YME1L1: variants seen among roughly 807,000 people sequenced by gnomAD.
The protein encoded by YME1L1 is ATP-dependent zinc metalloprotease YME1L1.
YME1L1 carries 39 observed loss-of-function variants against 90.4 expected under a neutral mutation model. The observed-to-expected ratio is 0.43, with a 90% CI of 0.33 to 0.56. The LOEUF is 0.56. Among genes scored for constraint, YME1L1 ranks in the 20% least tolerant of loss-of-function variants. YME1L1 has a pLI of 0.03. For synonymous variants in YME1L1, 284 were observed against 287.3 expected (o/e 0.99, Z 0.12); for missense variants, 617 against 868.4 (o/e 0.71, Z 3.64).
intron 4 of YME1L1, among the ~76,000 whole-genome samples, chr10:27,142,035 C>T (rs2057093163): frequency 6.7e-6 from 1 of 149,966 alleles, no homozygotes; most frequent in Non-Finnish European, 1.5e-5. Flanking sequence ...GTTAACGGAA[C>T]GCTTCTGTTG....
Position 27,154,303 on chromosome 10 carries a change from C to T in YME1L1, c.-93G>A. ...GGAGGCGCTGAGCCCTTCTTTTTTC[C>T]TTTTTCTCCGACCCGTTGCCCCTCA... On this transcript the variant is annotated 5_prime_UTR_variant, in exon 1 of 19. Coordinates refer to ENST00000376016, the MANE Select transcript of YME1L1 (RefSeq NM_014263.4). The T allele has an allele frequency of 6.8e-7, 1 of 1,471,922 alleles. No homozygotes were observed. The highest frequency in any genetic ancestry group is 9.2e-7 in the Non-Finnish European group (1 of 1,089,698). The allele number at this position is 1,471,922 out of a possible 1,614,324, so 91.2% of individuals were successfully genotyped here.
chr10:27,144,062 A>G (rs2057117900), intron 3 of YME1L1, among the ~76,000 whole-genome samples: 1 of 152,170 alleles, frequency 6.6e-6, no homozygotes, highest in Non-Finnish European at 1.5e-5. Context: ...ACTTTTTTCA[A>G]GGTCCCTTAG....
chr10:27,151,896 T>C (rs1028616325), intron 1 of YME1L1, among the ~76,000 whole-genome samples: 1 of 148,238 alleles, frequency 6.7e-6, no homozygotes, highest in Non-Finnish European at 1.5e-5. Flanking sequence ...AAAAAAAAAA[T>C]TAAAATAAAA....
intron 9 of YME1L1, among the ~76,000 whole-genome samples, chr10:27,124,871 T>G (rs2056901342): frequency 6.6e-6 from 1 of 152,206 alleles, no homozygotes; most frequent in Non-Finnish European, 1.5e-5. Flanking sequence ...CTTTTTTAAT[T>G]CCTTTTTGCG....
chr10:27,123,091 A>G, intron 10 of YME1L1, 118 bp from the exon 11 acceptor site: 1 of 1,271,380 alleles, frequency 7.9e-7, no homozygotes, highest in Non-Finnish European at 1.1e-6. Flanking sequence ...ATTCACTGAA[A>G]GAAAAGGACG....
At chr10:27,129,662 G>A (rs2056957417) in intron 8 of YME1L1, among the ~76,000 whole-genome samples, 1 of 151,888 alleles carries the variant, frequency 6.6e-6, no homozygotes, top group Non-Finnish European at 1.5e-5. Flanking sequence ...GCAAAGCACA[G>A]AGAAGAGCAC....
chr10:27,149,630 G>C (rs1467600111), intron 1 of YME1L1, among the ~76,000 whole-genome samples: 1 of 142,188 alleles, frequency 7.0e-6, no homozygotes, highest in African/African-American at 2.6e-5. Context: ...AGAATTGCTT[G>C]ATCTCAGGAG....
rs1418559256 is a variant in YME1L1 at position 27,121,447 on chromosome 10, A to G, written c.1237T>C (p.Phe413Leu). 1.3e-6 allele frequency: 2 copies of G among 1,592,394 alleles called. No homozygotes were observed. The highest frequency in any genetic ancestry group is 1.7e-6 in the Non-Finnish European group (2 of 1,160,770). ...INQLLAEMDGFKPNEGVIIIG... is the reference protein window; with the variant it reads ...INQLLAEMDGLKPNEGVIIIG... The stretch of plus-strand genomic sequence containing the variant: ...ATGATAACTCCTTCATTGGGTTTAA[A>G]ACTATATTGGAAAAAAAATAGTATC... Residue 413 changes from phenylalanine (F) to leucine (L), a missense_variant and splice_region_variant, in exon 12 of 19, where the codon TTT becomes CTT. Physicochemically the swap from Phe to Leu is conservative, Grantham distance 22. Transcript: ENST00000376016.
intron 17 of YME1L1, among the ~76,000 whole-genome samples, chr10:27,115,556 A>C (rs551559763): frequency 6.6e-6 from 1 of 151,948 alleles, no homozygotes; most frequent in Non-Finnish European, 1.5e-5. Context: ...CTCAAGCAAT[A>C]CAGTCTCCTC....
In YME1L1 at chr10:27,110,707, GCA is replaced by G. The variant is rs1431217408; in HGVS notation, c.*1268_*1269del. On this transcript the variant is annotated 3_prime_UTR_variant, in exon 19 of 19. Coordinates refer to ENST00000376016, the MANE Select transcript of YME1L1 (RefSeq NM_014263.4). Reference sequence around the variant, plus strand: ...TGTTTAATTTTGCTTTTGAAACCAAGCACAGTTATAGTCAAAATGAGGGACAT... The same window carrying G: ...TGTTTAATTTTGCTTTTGAAACCAAGCAGTTATAGTCAAAATGAGGGACAT... 2 of 152,008 alleles carry G rather than the reference GCA, an allele frequency of 1.3e-5. No individual in the cohort carries two copies. The highest frequency in any genetic ancestry group is 2.4e-5 in the African/African-American group (1 of 41,394). The allele number at this position is 152,008 out of a possible 1,614,324, so 9.4% of individuals were successfully genotyped here.
intron 11 of YME1L1, 27 bp downstream of exon 11, chr10:27,122,814 T>C (rs767643857): frequency 3.1e-6 from 5 of 1,611,556 alleles, no homozygotes; most frequent in African/African-American, 2.7e-5. Flanking sequence ...CATCACCATA[T>C]TCTAAGAAAA....
chr10:27,116,299 T>C lies in YME1L1; in HGVS notation c.1766A>G (p.Gln589Arg). Reference protein sequence around the residue: ...ENDRWNETRAQLLAQMDVSMG... With the variant: ...ENDRWNETRARLLAQMDVSMG... Reference sequence around the variant, plus strand: ...ACTAACATCCATTTGTGCAAGCAGCTGGGCTCTAGTTTCATTCCATCTGTC... The same window carrying C: ...ACTAACATCCATTTGTGCAAGCAGCCGGGCTCTAGTTTCATTCCATCTGTC... Residue 589 changes from glutamine (Q) to arginine (R), a missense_variant, in exon 16 of 19, where the codon CAG becomes CGG. Gln to Arg is a conservative substitution (Grantham distance 43). This residue lies in a region of YME1L1 where 212 missense variants were observed against 330.0 expected (regional missense o/e 0.64). Coordinates refer to ENST00000376016, the MANE Select transcript of YME1L1 (RefSeq NM_014263.4). The C allele has an allele frequency of 1.2e-6, 2 of 1,614,200 alleles. No homozygotes were observed. Among genetic ancestry groups the C allele is most frequent in the Non-Finnish European group, 1.7e-6 (2 of 1,180,032 alleles).
In YME1L1 at chr10:27,145,430, T is replaced by C. The variant is rs761036523; in HGVS notation, c.329A>G (p.Tyr110Cys). Residue 110 changes from tyrosine to cysteine, a missense_variant and splice_region_variant, in exon 3 of 19, where the codon TAT (tyrosine) becomes TGT (cysteine). This residue lies in a region of YME1L1 where 311 missense variants were observed against 335.8 expected (regional missense o/e 0.93). Transcript: ENST00000376016. ...GAACAAAAAACACATTAACATACCA[T>C]ATTTATTTTCAAAGAAGGATTGTGC... is the stretch of plus-strand genomic sequence containing the variant. The part of the protein sequence containing the change: ...VSAQSFFENK[Y>C]GNLDIFSTLR... 2.8e-5 allele frequency: 45 copies of C among 1,601,356 alleles called. No individual in the cohort carries two copies. The highest frequency in any genetic ancestry group is 3.7e-5 in the Non-Finnish European group (43 of 1,172,512).
At chr10:27,114,990 G>A (rs2135838594) in intron 17 of YME1L1, among the ~76,000 whole-genome samples, 1 of 152,188 alleles carries the variant, frequency 6.6e-6, no homozygotes, top group Admixed American at 6.5e-5. Flanking sequence ...TTGCGCCACT[G>A]CACTCCAGCC....
At chr10:27,142,832 C>T (rs1226977048) in intron 3 of YME1L1, among the ~76,000 whole-genome samples, 3 of 152,134 alleles carry the variant, frequency 2.0e-5, no homozygotes, top group African/African-American at 4.8e-5. Flanking sequence ...TCTCCTGCCT[C>T]GGCCTCCCAA....
chr10:27,153,376 C>A, intron 1 of YME1L1: 2 of 317,786 alleles, frequency 6.3e-6, no homozygotes, highest in Non-Finnish European at 6.5e-6. Flanking sequence ...CTAAGAGTGT[C>A]GATTTTCTTA....
At chr10:27,153,172 C>G (rs1467156911) in intron 1 of YME1L1, 7 of 470,392 alleles carry the variant, frequency 1.5e-5, no homozygotes, top group Non-Finnish European at 3.1e-5. Flanking sequence ...CTAAGTCCTA[C>G]TCATATTTAC....
At position 27,145,482 on chromosome 10, in the gene YME1L1, A is replaced by C. The variant is rs900428611; in HGVS notation, c.277T>G (p.Ser93Ala). 1 of 1,613,550 alleles carries C rather than the reference A, an allele frequency of 6.2e-7. No individual in the cohort carries two copies. ...GAGACATGGGATGTATGCCAATGGG[A>C]AGAAATGTTTTTGCCTTTACAAAAT... ...PGFCKGKNIS[S>A]HWHTSHVSAQ... is the part of the protein sequence containing the mutation. The change falls in exon 3 of 19, where the codon TCC (serine) becomes GCC (alanine). Residue 93 changes from serine to alanine, a missense_variant. Around this residue, in one of 4 missense-constraint regions of YME1L1, gnomAD observed 311 missense variants for 335.8 expected, o/e 0.93. Coordinates refer to ENST00000376016, the MANE Select transcript of YME1L1 (RefSeq NM_014263.4).
At chr10:27,123,037 T>C (rs745422395) in intron 10 of YME1L1, 64 bp from the exon 11 acceptor site, 17 of 1,555,158 alleles carry the variant, frequency 1.1e-5, no homozygotes, top group Admixed American at 4.1e-5. Flanking sequence ...CAAAACGAGA[T>C]AAATATTAAA....
Sources: allele counts gnomAD v4.1 joint callset (sites outside exome capture counted in the v4.1 genomes callset), GRCh38; gene constraint gnomAD v4.1.1; regional missense constraint gnomAD v4.1.1; transcripts MANE v1.5; gene names NCBI Gene and HGNC (gene_info 2026-07-23, HGNC 2026-07-21).